Variants in COBL observed in about 807,000 individuals in gnomAD.
COBL encodes the protein protein cordon-bleu.
Under a neutral mutation model 98.8 loss-of-function variants are expected in COBL, and 51 were observed. The ratio of observed to expected loss-of-function variants is 0.52; its 90% CI spans 0.41 to 0.65. The LOEUF is 0.65. Among genes scored for constraint, COBL ranks in the 30% least tolerant of loss-of-function variants. The pLI is 0.00. For missense variants in COBL, 1,617 were observed against 1,617.5 expected, an observed-to-expected ratio of 1.00 and a Z score of 0.01; for synonymous variants, 634 against 651.7, an observed-to-expected ratio of 0.97 and a Z score of 0.41.
chr7:51,097,274 C>T (rs1795352232), intron 6 of COBL, among the ~76,000 whole-genome samples: 1 of 152,078 alleles, frequency 6.6e-6, no homozygotes, highest in Non-Finnish European at 1.5e-5. Context: ...AAACACTCAA[C>T]AACTAGGAAT....
chr7:51,178,266 G>GT (rs1788605773), intron 5 of COBL, among the ~76,000 whole-genome samples: 1 of 151,990 alleles, frequency 6.6e-6, no homozygotes. Context: ...TTTAAAAGCT[G>GT]TTTTAAATTA....
chr7:51,118,547 T>C (rs1374816096), intron 6 of COBL, among the ~76,000 whole-genome samples: 2 of 151,890 alleles, frequency 1.3e-5, no homozygotes, highest in Admixed American at 6.6e-5. Context: ...CTTTGCCATA[T>C]CTTGTAAGTT....
chr7:51,021,049 A>T (rs1296254095), intron 12 of COBL: 1 of 152,210 alleles, frequency 6.6e-6, no homozygotes, highest in Non-Finnish European at 1.5e-5. Flanking sequence ...CCTCATTGAA[A>T]GGAGGAGGCT....
rs1482492747 is a variant in COBL, at chr7:51,240,704, T to G, written c.42-20760A>C. ...TGGGATTACAGGCACGCACCACCACTCCTGGCTTTTTGTATTTTAAGTAAT... is the reference window on the plus strand; with the variant it reads ...TGGGATTACAGGCACGCACCACCACGCCTGGCTTTTTGTATTTTAAGTAAT... On this transcript the variant is annotated intron_variant, in intron 1 of 12. Coordinates refer to ENST00000265136, the MANE Select transcript of COBL (RefSeq NM_015198.5). 4.1e-5 allele frequency among the ~76,000 whole-genome samples: 3 copies of G among 72,480 alleles called. No individual in the cohort carries two copies. In the Admixed American group the frequency reaches 4.7e-4, roughly 11 times the overall value. 47.5% of individuals were successfully genotyped at this position (72,480 alleles called of 152,430 possible).
At chr7:51,286,084 G>A (rs1481745119) in intron 1 of COBL, among the ~76,000 whole-genome samples, 1 of 152,076 alleles carries the variant, frequency 6.6e-6, no homozygotes, top group East Asian at 1.9e-4. Flanking sequence ...TAAGTCACAT[G>A]CCTTATACAA....
intron 12 of COBL, 72 bp downstream of exon 12, chr7:51,025,037 C>T (rs976422956): frequency 3.5e-5 from 56 of 1,597,564 alleles, no homozygotes; most frequent in East Asian, 6.7e-5. Context: ...CACAGGCAAG[C>T]GTGTCCCTGG....
intron 6 of COBL, among the ~76,000 whole-genome samples, chr7:51,133,908 G>A (rs1798984058): frequency 6.6e-6 from 1 of 152,162 alleles, no homozygotes; most frequent in Non-Finnish European, 1.5e-5. Context: ...CCCACCGTTA[G>A]GACTTGAAGA....
intron 12 of COBL, chr7:51,018,275 TGATG>T: frequency 6.6e-6 from 1 of 152,328 alleles, no homozygotes; most frequent in South Asian, 2.0e-4. Flanking sequence ...GTGGTGATGG[TGATG>T]GTGATGGTGA....
chr7:51,055,266 C>T (rs2010269), intron 7 of COBL, among the ~76,000 whole-genome samples: 61,796 of 152,078 alleles, frequency 0.41, 16,386 homozygotes, highest in African/African-American at 0.75. Context: ...GCCACTCTTT[C>T]CTGTTGCACT....
intron 7 of COBL, chr7:51,071,191 C>T (rs1174282001): frequency 1.3e-5 from 2 of 152,164 alleles, no homozygotes; most frequent in Non-Finnish European, 2.9e-5. Context: ...AAGAAACAGA[C>T]ATGGCTTATA....
At chr7:51,042,832 A>G (rs1789336140) in intron 8 of COBL, among the ~76,000 whole-genome samples, 2 of 152,244 alleles carry the variant, frequency 1.3e-5, no homozygotes, top group African/African-American at 2.4e-5. Flanking sequence ...GCAAAGCTCA[A>G]GATGTCTACT....
At chr7:51,208,002 C>A (rs1231894037) in intron 2 of COBL, among the ~76,000 whole-genome samples, 2 of 150,604 alleles carry the variant, frequency 1.3e-5, no homozygotes, top group African/African-American at 2.4e-5. Context: ...TCTTCCCGGC[C>A]GCCATCCCAT....
chr7:51,241,318 C>T (rs1795770186), intron 1 of COBL, among the ~76,000 whole-genome samples: 1 of 152,206 alleles, frequency 6.6e-6, no homozygotes, highest in Non-Finnish European at 1.5e-5. Flanking sequence ...CAGCCCAATA[C>T]ACACTATTTT....
chr7:51,285,652 T>G (rs73120025), intron 1 of COBL, among the ~76,000 whole-genome samples: 1,733 of 152,308 alleles, frequency 0.011, 15 homozygotes, highest in Non-Finnish European at 0.018. Context: ...GAGACATATA[T>G]TCATTGGTCA....
intron 7 of COBL, among the ~76,000 whole-genome samples, chr7:51,050,827 A>G (rs1562845234): frequency 6.6e-6 from 1 of 152,164 alleles, no homozygotes; most frequent in Non-Finnish European, 1.5e-5. Context: ...ACAAAACCCA[A>G]TTATGCATAA....
In COBL at chr7:51,271,154, T is replaced by A. The variant is rs1468318215; in HGVS notation, c.41+45439A>T. Reference sequence around the variant, plus strand: ...AGCCTCAGTGCGTGTCACCTGTCCATGGCTGCTTTCTCCATATAATGGCAG... The same window carrying A: ...AGCCTCAGTGCGTGTCACCTGTCCAAGGCTGCTTTCTCCATATAATGGCAG... On this transcript the variant is annotated intron_variant, in intron 1 of 12. Transcript: ENST00000265136. Among the ~76,000 whole-genome samples the A allele has an allele frequency of 3.9e-5, 6 of 152,330 alleles. No homozygotes were observed. In the South Asian group the frequency reaches 1.2e-3, roughly 32 times the overall value.
chr7:51,131,456 A>T (rs1204809940), intron 6 of COBL, among the ~76,000 whole-genome samples: 2 of 152,236 alleles, frequency 1.3e-5, no homozygotes, highest in East Asian at 1.9e-4. Flanking sequence ...AAAAAGTTTT[A>T]AAAACCTGCT....
At chr7:51,130,647 G>A (rs1157392041) in intron 6 of COBL, among the ~76,000 whole-genome samples, 1 of 152,232 alleles carries the variant, frequency 6.6e-6, no homozygotes, top group Non-Finnish European at 1.5e-5. Context: ...TACAGGGGCT[G>A]CCAGGACCTG....
intron 1 of COBL, among the ~76,000 whole-genome samples, chr7:51,269,075 GC>G (rs1798505336): frequency 6.6e-6 from 1 of 152,040 alleles, no homozygotes; most frequent in Non-Finnish European, 1.5e-5. Flanking sequence ...CCAGCACCCA[GC>G]CACCCGCTGC....
Sources: allele counts gnomAD v4.1 joint callset (sites outside exome capture counted in the v4.1 genomes callset), GRCh38; gene constraint gnomAD v4.1.1; transcripts MANE v1.5; gene names NCBI Gene and HGNC (gene_info 2026-07-23, HGNC 2026-07-21).